Variants in TEX14 observed in about 807,000 individuals in gnomAD.
TEX14 encodes the protein inactive serine/threonine-protein kinase TEX14.
TEX14 carries 168 observed loss-of-function variants against 178.6 expected under a neutral mutation model. That is an observed-to-expected ratio of 0.94 (90% CI 0.83 to 1.07). The LOEUF is 1.07. Ranked by LOEUF, TEX14 falls within the 50% of genes least tolerant of loss-of-function variation. TEX14 has a pLI of 0.00. For synonymous variants in TEX14, 626 were observed against 634.1 expected (o/e 0.99, Z 0.19); for missense variants, 1,730 against 1,753.6 (o/e 0.99, Z 0.24).
intron 1 of TEX14, among the ~76,000 whole-genome samples, chr17:58,654,545 T>G (rs2143284557): frequency 6.7e-6 from 1 of 150,350 alleles, no homozygotes; most frequent in Non-Finnish European, 1.5e-5. Context: ...CTTGCTTTGT[T>G]GCCCAGGCTG....
intron 1 of TEX14, among the ~76,000 whole-genome samples, chr17:58,683,963 G>A (rs1285284401): frequency 6.6e-6 from 1 of 151,934 alleles, no homozygotes; most frequent in Non-Finnish European, 1.5e-5. Context: ...TACTCGGGAG[G>A]CTGAGGCAGA....
chr17:58,588,156 C>T (rs904594745), intron 15 of TEX14, 135 bp from the exon 16 acceptor site: 17 of 613,736 alleles, frequency 2.8e-5, no homozygotes, highest in Non-Finnish European at 4.7e-5. Context: ...CGCAGTTTCA[C>T]AAGACACAAT....
intron 23 of TEX14, among the ~76,000 whole-genome samples, chr17:58,572,791 C>T (rs777220175): frequency 6.6e-6 from 1 of 152,174 alleles, no homozygotes; most frequent in African/African-American, 2.4e-5. Context: ...AGTAAGGCCA[C>T]TAAAGAGAGG....
At chr17:58,568,561 A>C (rs2044452452) in intron 26 of TEX14, among the ~76,000 whole-genome samples, 1 of 152,208 alleles carries the variant, frequency 6.6e-6, no homozygotes. Flanking sequence ...AGGCGCAGTC[A>C]AGTCTTTCCT....
At chr17:58,656,940 A>G (rs1396501854) in intron 1 of TEX14, among the ~76,000 whole-genome samples, 1 of 148,722 alleles carries the variant, frequency 6.7e-6, no homozygotes, top group African/African-American at 2.5e-5. Flanking sequence ...AAAAAAAAAA[A>G]AAAAAAAAAG....
intron 5 of TEX14, 26 bp downstream of exon 5, chr17:58,621,624 C>T (rs1444706078): frequency 1.3e-6 from 2 of 1,599,154 alleles, no homozygotes; most frequent in Admixed American, 1.7e-5. Context: ...TGGAGACTAT[C>T]CCACTCTGCT....
intron 2 of TEX14, among the ~76,000 whole-genome samples, chr17:58,645,997 G>A (rs2046698716): frequency 6.6e-6 from 1 of 151,926 alleles, no homozygotes; most frequent in African/African-American, 2.4e-5. Flanking sequence ...GTTAATAGTT[G>A]TTAGTCTTCA....
chr17:58,596,191 T>TA (rs966629664), intron 14 of TEX14, among the ~76,000 whole-genome samples: 76 of 146,928 alleles, frequency 5.2e-4, no homozygotes, highest in East Asian at 1.6e-3. Flanking sequence ...TTTAAAAATT[T>TA]AAAAAAAAAA....
At chr17:58,684,711 TA>T (rs1437695546) in intron 1 of TEX14, among the ~76,000 whole-genome samples, 1 of 151,878 alleles carries the variant, frequency 6.6e-6, no homozygotes, top group Non-Finnish European at 1.5e-5. Flanking sequence ...ACTTATTTTT[TA>T]AAAACTCATA....
intron 9 of TEX14, 69 bp downstream of exon 9, chr17:58,613,352 G>A: frequency 6.3e-7 from 1 of 1,596,248 alleles, no homozygotes; most frequent in Admixed American, 1.7e-5. Context: ...ACCACAGCTG[G>A]GGCAAGAGGG....
chr17:58,615,277 C>G lies in TEX14; in HGVS notation c.836G>C (p.Arg279Thr), dbSNP rs115957101. 151 of 1,613,964 alleles carry G rather than the reference C, an allele frequency of 9.4e-5. 1 individual carries two copies. In the Middle Eastern group the frequency reaches 2.6e-3, roughly 28 times the overall value. Reference sequence around the variant, plus strand: ...AATTAACAAGTCGGCCAGCCGCAGCCTGCTGCAGTGTGGGTGGGTGGGGAG... The same window carrying G: ...AATTAACAAGTCGGCCAGCCGCAGCGTGCTGCAGTGTGGGTGGGTGGGGAG... ...LNLPTHPHCSRLRLADLLIAE... is the reference protein window; with the variant it reads ...LNLPTHPHCSTLRLADLLIAE... The change falls in exon 8 of 32, where the codon AGG becomes ACG. Residue 279 changes from arginine to threonine, a missense_variant. Arg to Thr is a moderately conservative substitution (Grantham distance 71, BLOSUM62 -1). Around this residue, in one of 2 missense-constraint regions of TEX14, gnomAD observed 789 missense variants for 681.2 expected, o/e 1.16. Transcript: ENST00000349033.
chr17:58,608,412 A>ATTG (rs1176687602), intron 10 of TEX14, among the ~76,000 whole-genome samples: 5 of 141,566 alleles, frequency 3.5e-5, no homozygotes, highest in South Asian at 2.3e-4. Context: ...GCGAGACTCC[A>ATTG]TCTCAAAAAA....
chr17:58,563,621 TTATATATATATATATATATA>T lies in TEX14; in HGVS notation c.4064+1228_4064+1247del, dbSNP rs3034889. On this transcript the variant is annotated intron_variant, in intron 28 of 31. Transcript: ENST00000349033. ...GGGCAACATAAAGCCCATCTCTAAT[TTATATATATATATATATATA>T]TATATATATATATATATAGAGAGAG... 5.4e-3 allele frequency among the ~76,000 whole-genome samples: 253 copies of T among 46,482 alleles called. 4 individuals are homozygous for T. The highest frequency in any genetic ancestry group is 0.038 in the Middle Eastern group (2 of 52). 30.5% of individuals were successfully genotyped at this position (46,482 alleles called of 152,430 possible). A position where few individuals can be genotyped will look rare whatever the true frequency, so the allele number is the denominator to read the frequency against.
intron 13 of TEX14, among the ~76,000 whole-genome samples, chr17:58,599,941 TTG>T (rs1340253754): frequency 6.6e-6 from 1 of 152,110 alleles, no homozygotes; most frequent in Non-Finnish European, 1.5e-5. Context: ...CTAAGCTTTA[TTG>T]TGTGTCCAAA....
chr17:58,623,058 G>A (rs1199396622), intron 3 of TEX14, 46 bp from the exon 4 acceptor site: 1 of 1,538,994 alleles, frequency 6.5e-7, no homozygotes, highest in Non-Finnish European at 8.9e-7. Flanking sequence ...CAATGCTCCT[G>A]CATTCCATGG....
At chr17:58,682,781 A>G (rs1000759968) in intron 1 of TEX14, among the ~76,000 whole-genome samples, 2 of 152,186 alleles carry the variant, frequency 1.3e-5, no homozygotes, top group Admixed American at 6.5e-5. Flanking sequence ...TATCTGTTCA[A>G]GGGAGTCAGC....
At chr17:58,687,480 GT>G (rs1208241125) in intron 1 of TEX14, among the ~76,000 whole-genome samples, 1 of 151,912 alleles carries the variant, frequency 6.6e-6, no homozygotes, top group Non-Finnish European at 1.5e-5. Context: ...ACAGAATCGG[GT>G]GCTCTACCCA....
At chr17:58,660,892 G>A (rs1225229609) in intron 1 of TEX14, 1 of 817,890 alleles carries the variant, frequency 1.2e-6, no homozygotes, top group African/African-American at 1.7e-5. Context: ...GCCTCTTCTG[G>A]TGACATGAGT....
intron 1 of TEX14, among the ~76,000 whole-genome samples, chr17:58,688,284 T>A (rs2047635656): frequency 6.6e-6 from 1 of 151,882 alleles, no homozygotes; most frequent in Non-Finnish European, 1.5e-5. Context: ...CCACCCCCAG[T>A]TAATTTTGTA....
Sources: allele counts gnomAD v4.1 joint callset (sites outside exome capture counted in the v4.1 genomes callset), GRCh38; gene constraint gnomAD v4.1.1; regional missense constraint gnomAD v4.1.1; transcripts MANE v1.5; gene names NCBI Gene and HGNC (gene_info 2026-07-23, HGNC 2026-07-21).